SEPSECS: variants seen among roughly 807,000 people sequenced by gnomAD.
SEPSECS encodes O-phosphoseryl-tRNA(Sec) selenium transferase.
Under a neutral mutation model 52.1 loss-of-function variants are expected in SEPSECS, and 42 were observed. The ratio of observed to expected loss-of-function variants is 0.81; its 90% confidence interval spans 0.63 to 1.04. The LOEUF (loss-of-function observed/expected upper bound fraction) is 1.04. Ranked by LOEUF, SEPSECS falls within the 50% of genes least tolerant of loss-of-function variation. The pLI is 0.00. For missense variants in SEPSECS, 590 were observed against 610.6 expected (o/e 0.97, Z 0.36); for synonymous variants, 216 against 211.4 (o/e 1.02, Z -0.19).
intron 8 of SEPSECS, among the ~76,000 whole-genome samples, chr4:25,144,182 T>C (rs1191519453): frequency 4.0e-5 from 6 of 151,706 alleles, no homozygotes; most frequent in Non-Finnish European, 8.8e-5. Context: ...CTACTAAAAA[T>C]ACAAAAAATT....
intron 6 of SEPSECS, among the ~76,000 whole-genome samples, chr4:25,149,604 G>A (rs1420417170): frequency 6.6e-6 from 1 of 152,152 alleles, no homozygotes; most frequent in Non-Finnish European, 1.5e-5. Flanking sequence ...AGCATTATGA[G>A]TGATCTTCTA....
intron 8 of SEPSECS, among the ~76,000 whole-genome samples, chr4:25,142,576 T>C (rs368769838): frequency 6.6e-6 from 1 of 152,296 alleles, no homozygotes; most frequent in East Asian, 1.9e-4. Context: ...CAGTAAATGT[T>C]TACTCGAATC....
At chr4:25,154,930 T>A in intron 5 of SEPSECS, 68 bp downstream of exon 5, 1 of 1,458,558 alleles carries the variant, frequency 6.9e-7, no homozygotes, top group Non-Finnish European at 9.6e-7. Context: ...TAAGCATATT[T>A]GAGAATTAGT....
chr4:25,151,155 T>C (rs1712274500), intron 6 of SEPSECS, among the ~76,000 whole-genome samples: 1 of 152,194 alleles, frequency 6.6e-6, no homozygotes, highest in African/African-American at 2.4e-5. Flanking sequence ...ATTCACTCAC[T>C]TTGTTCAGTA....
At chr4:25,144,603 G>A (rs1186588286) in intron 8 of SEPSECS, among the ~76,000 whole-genome samples, 171 bp downstream of exon 8, 2 of 150,530 alleles carry the variant, frequency 1.3e-5, no homozygotes, top group African/African-American at 4.9e-5. Flanking sequence ...TAGACAGGCT[G>A]ACAAAAAGTA....
rs534364008 is a variant in SEPSECS at position 25,124,113 on chromosome 4, T to C, written c.1324A>G (p.Met442Val). 3 of 1,613,770 alleles carry C rather than the reference T, an allele frequency of 1.9e-6. No individual in the cohort carries two copies. In the South Asian group the frequency reaches 3.3e-5, roughly 18 times the overall value. The change falls in exon 11 of 11, where the codon ATG becomes GTG. Residue 442 changes from methionine (M) to valine (V), a missense_variant. Transcript: ENST00000382103. ...AACAGGTCCACATCCTGCATCTTCA[T>C]TCCGATGGCTGATGCAGCATTGAGG... ...AYLNAASAIG[M>V]KMQDVDLFIK...
rs1728206051 is a variant in SEPSECS, at chr4:25,123,274, T to C, written c.*657A>G. 1 of 152,734 alleles carries C rather than the reference T, an allele frequency of 6.5e-6. No homozygotes were observed. Among genetic ancestry groups the C allele is most frequent in the South Asian group, 2.1e-4 (1 of 4,844 alleles). The allele number at this position is 152,734 out of a possible 1,614,324, so 9.5% of individuals were successfully genotyped here. ...CTAATGACATTTTGGGCTGGATAAT[T>C]CTTTGTTGTGGGAGTTGTCCCATGC... On this transcript the variant is annotated 3_prime_UTR_variant, in exon 11 of 11. Transcript: ENST00000382103.
chr4:25,140,152 C>G (rs532360470), intron 8 of SEPSECS, among the ~76,000 whole-genome samples: 2 of 152,304 alleles, frequency 1.3e-5, no homozygotes, highest in South Asian at 4.1e-4. Context: ...CTCCACATGC[C>G]TGTGAACCAG....
At position 25,152,028 on chromosome 4, in the gene SEPSECS, C is replaced by T; in HGVS notation, c.736G>A (p.Asp246Asn). 1 of 1,595,726 alleles carries T rather than the reference C, an allele frequency of 6.3e-7. No homozygotes were observed. The change falls in exon 6 of 11, where the codon GAC (aspartate) becomes AAC (asparagine). Residue 246 changes from aspartate (D) to asparagine (N), a missense_variant. By Grantham distance (23) the Asp-to-Asn change is conservative (BLOSUM62 1). Coordinates refer to ENST00000382103, the MANE Select transcript of SEPSECS (RefSeq NM_016955.4). ...EELAVICANY[D>N]IPHIVNNAYG... is the part of the protein sequence containing the mutation. The stretch of plus-strand genomic sequence containing the variant: ...GCATTATTAACTATATGTGGAATGT[C>T]ATAATTAGCACAAATCACAGCCAGT...
intron 8 of SEPSECS, among the ~76,000 whole-genome samples, chr4:25,137,390 A>T (rs2192447): frequency 0.98 from 149,653 of 152,254 alleles, 73,552 homozygotes; most frequent in Admixed American, 0.99. Flanking sequence ...ACAACCCCAT[A>T]AAAAAGTGGG....
In SEPSECS at chr4:25,156,895, T is replaced by C; in HGVS notation, c.349A>G (p.Ile117Val). Reference protein sequence around the residue: ...KAAGSSLLNKITNSLVLDIIK... With the variant: ...KAAGSSLLNKVTNSLVLDIIK... ...ATGTCCAGGACCAAAGAATTGGTAATTTTGTTCAAAAGGCTAGAGCCTGCA... is the reference window on the plus strand; with the variant it reads ...ATGTCCAGGACCAAAGAATTGGTAACTTTGTTCAAAAGGCTAGAGCCTGCA... The change falls in exon 3 of 11, where the codon ATT becomes GTT. Residue 117 changes from isoleucine (I) to valine (V), a missense_variant. Physicochemically the swap from Ile to Val is conservative, Grantham distance 29. Transcript: ENST00000382103. 1.2e-6 allele frequency: 2 copies of C among 1,611,678 alleles called. No homozygotes were observed. Among genetic ancestry groups the C allele is most frequent in the Non-Finnish European group, 1.7e-6 (2 of 1,177,822 alleles).
chr4:25,146,054 G>A (rs959410672), intron 6 of SEPSECS, among the ~76,000 whole-genome samples: 1 of 151,994 alleles, frequency 6.6e-6, no homozygotes, highest in South Asian at 2.1e-4. Context: ...AACTAAGTTC[G>A]GTCCTCATCC....
chr4:25,153,066 T>C (rs28396268), intron 5 of SEPSECS, among the ~76,000 whole-genome samples: 2,599 of 152,060 alleles, frequency 0.017, 69 homozygotes, highest in African/African-American at 0.059. Context: ...GTTTTCTTTT[T>C]TTTGTCCAGT....
At chr4:25,157,105 A>G in intron 2 of SEPSECS, 131 bp from the exon 3 acceptor site, 6 of 713,664 alleles carry the variant, frequency 8.4e-6, no homozygotes, top group South Asian at 4.3e-5. Flanking sequence ...TATATGTCAC[A>G]AACTATTAAT....
chr4:25,160,490 A>T (rs1401158549), upstream of SEPSECS: 1 of 706,242 alleles, frequency 1.4e-6, no homozygotes, highest in Non-Finnish European at 2.4e-6. Context: ...ACAAAAAACA[A>T]AACAAAACAA....
In SEPSECS at chr4:25,144,629, T is replaced by C. The variant is rs80015811; in HGVS notation, c.1026+145A>G. On this transcript the variant is annotated intron_variant, in intron 8 of 10. Transcript: ENST00000382103. The stretch of plus-strand genomic sequence containing the variant: ...ACAAAAAGTAATAGGAAACCACCTA[T>C]GGTGGTTCCAGATCTGAATAAATAC... 2,061 of 640,394 alleles carry C rather than the reference T, an allele frequency of 3.2e-3. 53 individuals are homozygous for C. In the East Asian group the frequency reaches 0.052, roughly 16 times the overall value. The allele number at this position is 640,394 out of a possible 1,614,324, so 39.7% of individuals were successfully genotyped here. A position where few individuals can be genotyped will look rare whatever the true frequency, so the allele number is the denominator to read the frequency against.
chr4:25,143,518 T>C (rs564992575), intron 8 of SEPSECS, among the ~76,000 whole-genome samples: 4 of 152,236 alleles, frequency 2.6e-5, no homozygotes, highest in Non-Finnish European at 4.4e-5. Context: ...TTCGGTACAT[T>C]AGCCATTCTA....
chr4:25,157,788 G>A (rs1250174266), intron 2 of SEPSECS, among the ~76,000 whole-genome samples: 4 of 146,796 alleles, frequency 2.7e-5, no homozygotes, highest in South Asian at 2.2e-4. Flanking sequence ...CTCGTGATCC[G>A]CCCGCCTTGG....
Position 25,158,998 on chromosome 4 carries a change from C to G in SEPSECS, c.224G>C (p.Arg75Thr), listed in dbSNP as rs1315294218. Residue 75 changes from arginine (R) to threonine (T), a missense_variant, in exon 2 of 11, where the codon AGG becomes ACG. Transcript: ENST00000382103. ...CAGTGCGGATGCCACTCTCCCTTCC[C>G]TTTCTCCCACACCACAATTGCCTAA... ...NFLGNCGVGE[R>T]EGRVASALVA... 1 of 1,613,930 alleles carries G rather than the reference C, an allele frequency of 6.2e-7. No individual in the cohort carries two copies.
Sources: allele counts gnomAD v4.1 joint callset (sites outside exome capture counted in the v4.1 genomes callset), GRCh38; gene constraint gnomAD v4.1.1; transcripts MANE v1.5; gene names NCBI Gene and HGNC (gene_info 2026-07-23, HGNC 2026-07-21).